The following MAN1A1 variants were observed in gnomAD, a reference collection of about 807,000 sequenced individuals.
MAN1A1 encodes mannosidase alpha class 1A member 1.
A neutral mutation model predicts 70.8 loss-of-function variants in MAN1A1; 29 were observed. That is an observed-to-expected ratio of 0.41 (90% CI 0.31 to 0.56). MAN1A1 has a LOEUF of 0.56. MAN1A1 is among the 20% of genes least tolerant of loss of function. The probability of loss-of-function intolerance (pLI) is 0.29; values close to 1 mark genes in which losing one functional copy is unlikely to be tolerated. For missense variants in MAN1A1, 747 were observed against 841.3 expected (o/e 0.89, Z 1.39); for synonymous variants, 349 against 330.1 (o/e 1.06, Z -0.62).
intron 7 of MAN1A1, among the ~76,000 whole-genome samples, chr6:119,203,112 GCAGTTTGATCTTGGATTTCC>G (rs1214579345): frequency 6.6e-6 from 1 of 152,108 alleles, no homozygotes; most frequent in Admixed American, 6.5e-5. Flanking sequence ...TACCTCATGG[GCAGTTTGATCTTGGATTTCC>G]CAGCCTCCAG....
intron 2 of MAN1A1, among the ~76,000 whole-genome samples, chr6:119,314,381 C>T (rs775269909): frequency 2.0e-5 from 3 of 151,382 alleles, no homozygotes; most frequent in African/African-American, 4.8e-5. Context: ...TTATGGAGGC[C>T]GAGGCTGTAA....
chr6:119,228,007 T>C (rs1774567940), intron 6 of MAN1A1, among the ~76,000 whole-genome samples: 1 of 152,110 alleles, frequency 6.6e-6, no homozygotes, highest in African/African-American at 2.4e-5. Context: ...AACCAAAACT[T>C]TTTAAAAAAT....
rs778468972 is a variant in MAN1A1, at chr6:119,348,498, C to T, written c.568G>A (p.Ala190Thr). The change falls in exon 2 of 13, where the codon GCC becomes ACC. Residue 190 changes from alanine to threonine, a missense_variant. Around this residue, in one of 2 missense-constraint regions of MAN1A1, gnomAD observed 328 missense variants for 293.1 expected, o/e 1.12. Transcript: ENST00000368468. The stretch of plus-strand genomic sequence containing the variant: ...TTTGCCCTTTTCTCGCGGATGGCGG[C>T]GTCGGCGGGCTCCCGGCTCTCCACC... Reference protein sequence around the residue: ...IGVESREPADAAIREKRAKIK... With the variant: ...IGVESREPADTAIREKRAKIK... 1.9e-6 allele frequency: 3 copies of T among 1,608,852 alleles called. No individual in the cohort carries two copies. Among genetic ancestry groups the T allele is most frequent in the Non-Finnish European group, 8.5e-7 (1 of 1,177,434 alleles).
At chr6:119,193,113 CT>C (rs1479131646) in intron 9 of MAN1A1, among the ~76,000 whole-genome samples, 1 of 151,190 alleles carries the variant, frequency 6.6e-6, no homozygotes, top group African/African-American at 2.5e-5. Flanking sequence ...TGTAATCTCT[CT>C]GAGGTACAGC....
At chr6:119,315,732 A>G (rs535947048) in intron 2 of MAN1A1, among the ~76,000 whole-genome samples, 1 of 152,358 alleles carries the variant, frequency 6.6e-6, no homozygotes, top group South Asian at 2.1e-4. Context: ...TATCTAGTCC[A>G]TTCCTTTTTG....
intron 6 of MAN1A1, among the ~76,000 whole-genome samples, chr6:119,211,408 C>T (rs1774046810): frequency 6.6e-6 from 1 of 152,208 alleles, no homozygotes; most frequent in East Asian, 1.9e-4. Context: ...GATATCTGTG[C>T]ATCACGCACA....
At chr6:119,276,388 C>T (rs1299407762) in intron 5 of MAN1A1, among the ~76,000 whole-genome samples, 1 of 152,340 alleles carries the variant, frequency 6.6e-6, no homozygotes, top group East Asian at 1.9e-4. Flanking sequence ...CCTCCAGAGA[C>T]TAGAACATGG....
chr6:119,191,309 G>C, intron 9 of MAN1A1, among the ~76,000 whole-genome samples: 1 of 152,192 alleles, frequency 6.6e-6, no homozygotes, highest in Non-Finnish European at 1.5e-5. Flanking sequence ...CATGGCAAGA[G>C]TAGTAGCTTT....
chr6:119,183,723 T>G (rs2114925738), intron 11 of MAN1A1, among the ~76,000 whole-genome samples: 1 of 152,242 alleles, frequency 6.6e-6, no homozygotes, highest in South Asian at 2.1e-4. Context: ...CACCTTTCTT[T>G]CTAGTTCACC....
At chr6:119,246,653 C>T (rs750484044) in intron 6 of MAN1A1, among the ~76,000 whole-genome samples, 40 of 152,054 alleles carry the variant, frequency 2.6e-4, no homozygotes, top group Non-Finnish European at 4.1e-4. Context: ...TAATTGTGCA[C>T]GGTGCTTTTG....
rs191838206 is a variant in MAN1A1, at chr6:119,221,141, A to C, written c.993-16259T>G. 1.8e-3 allele frequency among the ~76,000 whole-genome samples: 276 copies of C among 152,296 alleles called. 2 individuals carry two copies. Among genetic ancestry groups the C allele is most frequent in the African/African-American group, 6.4e-3 (267 of 41,578 alleles). ...CTGAAAAAATTTCTGAGCATAAAAT[A>C]AATTTTTCTATTTTTTTAGGCTCCA... On this transcript the variant is annotated intron_variant, in intron 6 of 12. Coordinates refer to ENST00000368468, the MANE Select transcript of MAN1A1 (RefSeq NM_005907.4).
chr6:119,222,010 T>C (rs1289047816), intron 6 of MAN1A1, among the ~76,000 whole-genome samples: 1 of 152,126 alleles, frequency 6.6e-6, no homozygotes, highest in Non-Finnish European at 1.5e-5. Flanking sequence ...TTACTATGCA[T>C]CTCCAAAGAG....
rs1773385965 is a variant in MAN1A1, at chr6:119,189,669, C to T, written c.1541G>A (p.Arg514Gln). The T allele has an allele frequency of 1.2e-6, 2 of 1,613,732 alleles. No individual in the cohort carries two copies. Among genetic ancestry groups the T allele is most frequent in the Non-Finnish European group, 1.7e-6 (2 of 1,179,794 alleles). Reference protein sequence around the residue: ...IARTCHESYNRTFMKLGPEAF... With the variant: ...IARTCHESYNQTFMKLGPEAF... ...GAAGAATAACATGTACTCACATGTT[C>T]GATTATATGATTCATGACAAGTACG... Residue 514 changes from arginine to glutamine, a missense_variant, in exon 10 of 13, where the codon CGA becomes CAA. By Grantham distance (43) the Arg-to-Gln change is conservative. This residue lies in a region of MAN1A1 where 419 missense variants were observed against 548.2 expected (regional missense o/e 0.76). Transcript: ENST00000368468.
chr6:119,215,206 AAAAAAAC>A (rs2114961752), intron 6 of MAN1A1, among the ~76,000 whole-genome samples: 1 of 152,304 alleles, frequency 6.6e-6, no homozygotes, highest in East Asian at 1.9e-4. Context: ...TAAAAAGAAA[AAAAAAAC>A]AAAAAACAAA....
chr6:119,192,908 T>A (rs1249969410), intron 9 of MAN1A1, among the ~76,000 whole-genome samples: 1 of 152,204 alleles, frequency 6.6e-6, no homozygotes, highest in Non-Finnish European at 1.5e-5. Flanking sequence ...AGGTGTTTCT[T>A]AGTTTACTTT....
At chr6:119,311,526 T>C (rs753104755) in intron 2 of MAN1A1, among the ~76,000 whole-genome samples, 78 of 151,976 alleles carry the variant, frequency 5.1e-4, no homozygotes, top group Non-Finnish European at 9.0e-4. Context: ...TGCTGTGTAG[T>C]GGGGGTTTGT....
At chr6:119,335,282 A>G (rs1773423487) in intron 2 of MAN1A1, among the ~76,000 whole-genome samples, 1 of 152,204 alleles carries the variant, frequency 6.6e-6, no homozygotes, top group Non-Finnish European at 1.5e-5. Flanking sequence ...AGTACATACT[A>G]TGTATTGAAT....
At chr6:119,301,845 G>C in intron 4 of MAN1A1, 143 bp downstream of exon 4, 1 of 564,668 alleles carries the variant, frequency 1.8e-6, no homozygotes, top group South Asian at 2.5e-5. Flanking sequence ...TAAGAATATA[G>C]TATAAGATAA....
At chr6:119,201,216 C>T (rs781745171) in intron 8 of MAN1A1, 38 bp downstream of exon 8, 51 of 1,455,214 alleles carry the variant, frequency 3.5e-5, no homozygotes, top group Non-Finnish European at 4.7e-5. Flanking sequence ...GAGTACAGTA[C>T]CAAAAAGAGC....
Sources: allele counts gnomAD v4.1 joint callset (sites outside exome capture counted in the v4.1 genomes callset), GRCh38; gene constraint gnomAD v4.1.1; regional missense constraint gnomAD v4.1.1; transcripts MANE v1.5; gene names NCBI Gene and HGNC (gene_info 2026-07-23, HGNC 2026-07-21).